Variants in IL1RAPL2 observed in about 807,000 individuals in gnomAD.
IL1RAPL2 encodes the protein interleukin 1 receptor accessory protein like 2, also known as X-linked interleukin-1 receptor accessory protein-like 2.
A neutral mutation model predicts 44.1 loss-of-function variants in IL1RAPL2; 3 were observed. The ratio of observed to expected loss-of-function variants is 0.07; its 90% CI spans 0.03 to 0.18. The LOEUF (loss-of-function observed/expected upper bound fraction) is 0.18, where lower values mean the gene tolerates loss of function less well. IL1RAPL2 is among the 10% of genes least tolerant of loss of function. IL1RAPL2 has a pLI of 1.00. For synonymous variants in IL1RAPL2, 181 were observed against 178.8 expected, an observed-to-expected ratio of 1.01 and a Z score of -0.10; for missense variants, 391 against 496.4, an observed-to-expected ratio of 0.79 and a Z score of 2.02.
intron 5 of IL1RAPL2, among the ~76,000 whole-genome samples, chrX:105,300,727 G>A (rs2034690751): frequency 9.0e-6 from 1 of 111,169 alleles, no homozygotes; most frequent in Admixed American, 9.6e-5. Context: ...TTCCCTAGAA[G>A]TTTCACACAT....
At chrX:105,642,618 G>C (rs2037577290) in intron 6 of IL1RAPL2, among the ~76,000 whole-genome samples, 1 of 111,655 alleles carries the variant, frequency 9.0e-6, no homozygotes, top group African/African-American at 3.3e-5. Context: ...AACCCTCATT[G>C]GCAATCAGGC....
intron 6 of IL1RAPL2, among the ~76,000 whole-genome samples, chrX:105,643,131 T>C (rs1411550624): frequency 8.9e-6 from 1 of 112,110 alleles, no homozygotes; most frequent in Non-Finnish European, 1.9e-5. Context: ...TAAGCTGGCA[T>C]AACTGGTGTG....
chrX:104,788,774 G>A (rs1932811624), intron 2 of IL1RAPL2, among the ~76,000 whole-genome samples: 1 of 111,641 alleles, frequency 9.0e-6, no homozygotes, highest in Non-Finnish European at 1.9e-5. Flanking sequence ...ACATGAACCA[G>A]TAATTTTTAT....
At position 105,370,160 on chromosome X, in the gene IL1RAPL2, A is replaced by G. The variant is rs188907103; in HGVS notation, c.697+102619A>G. 4.2e-3 allele frequency among the ~76,000 whole-genome samples: 475 copies of G among 111,814 alleles called. 5 individuals are homozygous for G. The highest frequency in any genetic ancestry group is 0.015 in the African/African-American group (450 of 30,796). Reference sequence around the variant, plus strand: ...TTCATTTAATTATATTGCCAGCCTGACTTCTATAGCAGATAAGTTGGGGAA... The same window carrying G: ...TTCATTTAATTATATTGCCAGCCTGGCTTCTATAGCAGATAAGTTGGGGAA... On this transcript the variant is annotated intron_variant, in intron 5 of 10. Transcript: ENST00000372582.
intron 5 of IL1RAPL2, among the ~76,000 whole-genome samples, chrX:105,477,484 A>G (rs1353956762): frequency 1.8e-5 from 2 of 111,823 alleles, no homozygotes; most frequent in South Asian, 3.7e-4. Flanking sequence ...CAAGTATTCC[A>G]AAGAATAATA....
At chrX:105,392,739 A>G (rs1396793296) in intron 5 of IL1RAPL2, among the ~76,000 whole-genome samples, 5 of 111,965 alleles carry the variant, frequency 4.5e-5, no homozygotes, top group African/African-American at 1.3e-4. Flanking sequence ...TCAGGTATGG[A>G]GATATATGTA....
At chrX:104,764,224 C>T (rs1932516639) in intron 2 of IL1RAPL2, among the ~76,000 whole-genome samples, 1 of 109,907 alleles carries the variant, frequency 9.1e-6, no homozygotes, top group Non-Finnish European at 1.9e-5. Flanking sequence ...TTGGTGTCTT[C>T]TGCAATTTCT....
intron 5 of IL1RAPL2, among the ~76,000 whole-genome samples, chrX:105,293,621 G>A (rs2034632251): frequency 8.9e-6 from 1 of 111,852 alleles, no homozygotes; most frequent in South Asian, 3.7e-4. Context: ...TATGATTGGT[G>A]TTAAGCATGT....
intron 2 of IL1RAPL2, among the ~76,000 whole-genome samples, chrX:104,979,033 CAT>C (rs2030388320): frequency 9.0e-6 from 1 of 110,750 alleles, no homozygotes; most frequent in Admixed American, 9.7e-5. Flanking sequence ...TGAAAATAAA[CAT>C]GTGAGAATAG....
chrX:104,660,378 C>A (rs1331108308), intron 2 of IL1RAPL2, among the ~76,000 whole-genome samples: 1 of 108,672 alleles, frequency 9.2e-6, no homozygotes, highest in African/African-American at 3.3e-5. Flanking sequence ...ATGTCTGGAG[C>A]AGATCCGAAA....
chrX:105,548,437 T>C (rs73529038), intron 6 of IL1RAPL2, among the ~76,000 whole-genome samples: 3,702 of 111,041 alleles, frequency 0.033, 165 homozygotes, highest in African/African-American at 0.11. Context: ...GTAAACAGCA[T>C]AGACAAAAGC....
Position 104,861,912 on chromosome X carries a change from G to A in IL1RAPL2, c.82+202917G>A, listed in dbSNP as rs1922505033. Among the ~76,000 whole-genome samples the A allele has an allele frequency of 2.7e-5, 3 of 110,997 alleles. No homozygotes were observed. The South Asian group carries it at 1.1e-3, about 42-fold the overall frequency. ...GGATGCAGAATCCACAAATACAGAG[G>A]GTCAACTGTAAAAGGTAAAGGGTAG... On this transcript the variant is annotated intron_variant, in intron 2 of 10. Coordinates refer to ENST00000372582, the MANE Select transcript of IL1RAPL2 (RefSeq NM_017416.2).
intron 1 of IL1RAPL2, among the ~76,000 whole-genome samples, chrX:104,640,494 C>A (rs772127914): frequency 9.0e-6 from 1 of 111,620 alleles, no homozygotes; most frequent in East Asian, 2.8e-4. Context: ...TCATAAATTT[C>A]TTTTTCATTG....
intron 6 of IL1RAPL2, among the ~76,000 whole-genome samples, chrX:105,551,296 A>C (rs2036852440): frequency 9.1e-6 from 1 of 109,729 alleles, no homozygotes; most frequent in Non-Finnish European, 1.9e-5. Context: ...CCAAAAAAAA[A>C]AAAAACAACA....
chrX:105,181,679 A>G (rs1556130921), intron 2 of IL1RAPL2, among the ~76,000 whole-genome samples: 1 of 110,982 alleles, frequency 9.0e-6, no homozygotes, highest in African/African-American at 3.3e-5. Flanking sequence ...AAGATATTTG[A>G]GGTGGTTTTA....
chrX:105,118,185 A>G (rs1010936541), intron 2 of IL1RAPL2, among the ~76,000 whole-genome samples: 1 of 112,693 alleles, frequency 8.9e-6, no homozygotes, highest in African/African-American at 3.2e-5. Context: ...GACTGTGTCA[A>G]GAAAATATTT....
chrX:104,593,104 A>C (rs1164207692), intron 1 of IL1RAPL2, among the ~76,000 whole-genome samples: 1 of 111,706 alleles, frequency 9.0e-6, no homozygotes, highest in Non-Finnish European at 1.9e-5. Flanking sequence ...GAAATCCTTA[A>C]AAAGGAGAAT....
intron 2 of IL1RAPL2, among the ~76,000 whole-genome samples, chrX:105,042,172 G>A (rs1297789942): frequency 9.0e-6 from 1 of 110,688 alleles, no homozygotes; most frequent in Admixed American, 9.6e-5. Context: ...CATTGGCAAG[G>A]ACTTCATGTC....
chrX:105,121,321 C>T (rs1353879700), intron 2 of IL1RAPL2, among the ~76,000 whole-genome samples: 1 of 111,903 alleles, frequency 8.9e-6, no homozygotes, highest in Non-Finnish European at 1.9e-5. Flanking sequence ...TTCTCCAGTA[C>T]ATACAATGTC....
Sources: gnomAD v4.1 joint callset for allele counts (sites outside exome capture counted in the v4.1 genomes callset) on GRCh38, gnomAD v4.1.1 for gene constraint, MANE v1.5 for transcripts, NCBI Gene and HGNC (gene_info 2026-07-23, HGNC 2026-07-21) for gene names.